The following SHISA9 variants were observed in gnomAD, a reference collection of about 807,000 sequenced individuals.
SHISA9 encodes the protein shisa family member 9, also known as protein shisa-9.
Under a neutral mutation model 38.0 loss-of-function variants are expected in SHISA9, and 13 were observed. The observed-to-expected ratio is 0.34, with a 90% CI of 0.22 to 0.54. The LOEUF is 0.54. SHISA9 is among the 20% of genes least tolerant of loss of function. The pLI, the probability that SHISA9 is intolerant of heterozygous loss-of-function variation, is 0.91. For synonymous variants in SHISA9, 275 were observed against 242.0 expected (o/e 1.14, Z -1.27); for missense variants, 538 against 575.8 (o/e 0.93, Z 0.67).
At chr16:13,211,085 T>A (rs563893161) in intron 3 of SHISA9, among the ~76,000 whole-genome samples, 24 of 152,116 alleles carry the variant, frequency 1.6e-4, no homozygotes, top group Non-Finnish European at 3.5e-4. Context: ...TCACTTGAGA[T>A]CAGGAGTTCG....
the SHISA9 span, among the ~76,000 whole-genome samples, chr16:13,437,168 A>G: frequency 6.6e-6 from 1 of 152,068 alleles, no homozygotes; most frequent in African/African-American, 2.4e-5. Flanking sequence ...AAAATTAGGG[A>G]TCTTTGGTTC....
the SHISA9 span, among the ~76,000 whole-genome samples, chr16:13,407,301 C>A: frequency 5.9e-5 from 9 of 152,044 alleles, no homozygotes; most frequent in Non-Finnish European, 1.2e-4. Flanking sequence ...CCTCATGTGG[C>A]AGAGAGAGAC....
chr16:12,930,755 C>G (rs553450508), intron 2 of SHISA9, among the ~76,000 whole-genome samples: 3 of 152,108 alleles, frequency 2.0e-5, no homozygotes, highest in Non-Finnish European at 4.4e-5. Flanking sequence ...CATTGCCAAA[C>G]AGACTATTAA....
the SHISA9 span, among the ~76,000 whole-genome samples, chr16:13,540,676 C>T: frequency 2.6e-5 from 4 of 152,150 alleles, no homozygotes; most frequent in African/African-American, 9.7e-5. Flanking sequence ...TTGGGGAACC[C>T]AAAGTAAGAC....
At chr16:13,156,003 G>C (rs1459849120) in intron 2 of SHISA9, among the ~76,000 whole-genome samples, 1 of 152,130 alleles carries the variant, frequency 6.6e-6, no homozygotes, top group East Asian at 1.9e-4. Context: ...GTGGGGTGGT[G>C]GGAATGTGTT....
At chr16:13,453,136 C>T in the SHISA9 span, among the ~76,000 whole-genome samples, 1 of 152,072 alleles carries the variant, frequency 6.6e-6, no homozygotes, top group African/African-American at 2.4e-5. Context: ...GATCTGCCTG[C>T]CTCAGCCTCC....
At chr16:13,394,240 A>T in the SHISA9 span, among the ~76,000 whole-genome samples, 2 of 152,212 alleles carry the variant, frequency 1.3e-5, no homozygotes, top group Admixed American at 1.3e-4. Context: ...AACCTAGCAG[A>T]TTCCAGCTAA....
At chr16:13,118,861 C>G (rs1312322144) in intron 2 of SHISA9, among the ~76,000 whole-genome samples, 1 of 151,690 alleles carries the variant, frequency 6.6e-6, no homozygotes, top group Admixed American at 6.6e-5. Context: ...TCCAGAGTAG[C>G]TGGGATTACA....
At chr16:13,536,716 C>G in the SHISA9 span, among the ~76,000 whole-genome samples, 1 of 152,134 alleles carries the variant, frequency 6.6e-6, no homozygotes, top group Non-Finnish European at 1.5e-5. Context: ...TGTGCATGTA[C>G]AAGGCACATA....
intron 4 of SHISA9, among the ~76,000 whole-genome samples, chr16:13,221,624 T>C (rs1368460264): frequency 6.6e-6 from 1 of 152,148 alleles, no homozygotes; most frequent in Non-Finnish European, 1.5e-5. Context: ...TAAACAACTT[T>C]ATTGAGATAT....
At chr16:13,429,614 T>C in the SHISA9 span, among the ~76,000 whole-genome samples, 1 of 152,224 alleles carries the variant, frequency 6.6e-6, no homozygotes, top group Non-Finnish European at 1.5e-5. Context: ...AAAGGCTTTA[T>C]TCCAAATAAG....
the SHISA9 span, among the ~76,000 whole-genome samples, chr16:13,532,274 A>G: frequency 6.6e-6 from 1 of 152,222 alleles, no homozygotes; most frequent in East Asian, 1.9e-4. Flanking sequence ...ATCAGGCTGC[A>G]AATGTCCAGA....
At chr16:13,141,632 G>A (rs1275821151) in intron 2 of SHISA9, among the ~76,000 whole-genome samples, 2 of 151,984 alleles carry the variant, frequency 1.3e-5, no homozygotes, top group Admixed American at 1.3e-4. Flanking sequence ...GCAGTGAACT[G>A]AGATCACGCC....
chr16:13,444,429 AAG>A, the SHISA9 span, among the ~76,000 whole-genome samples: 2 of 150,546 alleles, frequency 1.3e-5, no homozygotes, highest in Admixed American at 1.3e-4. Flanking sequence ...GGAAGGAAGG[AAG>A]GAAGGAAGGG....
chr16:12,916,921 TG>T, intron 2 of SHISA9, 106 bp downstream of exon 2: 1 of 1,279,046 alleles, frequency 7.8e-7, no homozygotes, highest in Non-Finnish European at 1.0e-6. Context: ...GAGCTCTTTG[TG>T]GGCAAGTTAG....
chr16:13,417,059 G>A, the SHISA9 span, among the ~76,000 whole-genome samples: 1 of 152,196 alleles, frequency 6.6e-6, no homozygotes, highest in Non-Finnish European at 1.5e-5. Context: ...GAGCCACACA[G>A]AAAATCACAA....
rs555918274 is a variant in SHISA9, at chr16:13,153,553, C to T, written c.692-49841C>T. ...GTGGTGGAACTCCAATGTGGGATTT[C>T]CACAACAGAGAGGGTTCTCAAGCAC... On this transcript the variant is annotated intron_variant, in intron 2 of 4. Coordinates refer to ENST00000558583, the MANE Select transcript of SHISA9 (RefSeq NM_001145204.3). 6.7e-4 allele frequency among the ~76,000 whole-genome samples: 102 copies of T among 152,236 alleles called. 3 individuals are homozygous for T. Among genetic ancestry groups the T allele is most frequent in the Admixed American group, 2.0e-4 (3 of 15,288 alleles).
chr16:13,475,760 C>T, the SHISA9 span, among the ~76,000 whole-genome samples: 2 of 152,066 alleles, frequency 1.3e-5, no homozygotes, highest in Admixed American at 6.6e-5. Flanking sequence ...GAGTCCTGAC[C>T]TTGTTTTCCT....
the SHISA9 span, among the ~76,000 whole-genome samples, chr16:13,507,821 A>G: frequency 3.9e-5 from 6 of 152,220 alleles, no homozygotes; most frequent in Non-Finnish European, 8.8e-5. Flanking sequence ...TTTGAAGGCT[A>G]GAAATGGGGT....
Sources: allele counts gnomAD v4.1 joint callset (sites outside exome capture counted in the v4.1 genomes callset), GRCh38; gene constraint gnomAD v4.1.1; transcripts MANE v1.5; gene names NCBI Gene and HGNC (gene_info 2026-07-23, HGNC 2026-07-21).